POU2F3: variants seen among roughly 807,000 people sequenced by gnomAD.
The protein encoded by POU2F3 is POU class 2 homeobox 3, also known as POU domain, class 2, transcription factor 3.
A neutral mutation model predicts 59.2 loss-of-function variants in POU2F3; 23 were observed. The observed-to-expected ratio is 0.39, with a 90% CI of 0.28 to 0.55. The LOEUF is 0.55. Among genes scored for constraint, POU2F3 ranks in the 20% least tolerant of loss-of-function variants. POU2F3 has a pLI of 0.66. For missense variants in POU2F3, 473 were observed against 544.5 expected (o/e 0.87, Z 1.31); for synonymous variants, 190 against 214.6 (o/e 0.89, Z 1.00).
At chr11:120,274,750 G>A (rs188398917) in intron 3 of POU2F3, among the ~76,000 whole-genome samples, 94 of 152,306 alleles carry the variant, frequency 6.2e-4, no homozygotes, top group African/African-American at 2.1e-3. Context: ...GAGGGAATGG[G>A]ATTACCTGGG....
chr11:120,237,923 T>G (rs1250477652), upstream of POU2F3, among the ~76,000 whole-genome samples: 1 of 152,152 alleles, frequency 6.6e-6, no homozygotes, highest in Non-Finnish European at 1.5e-5. Flanking sequence ...AAGCCCTTGC[T>G]GGTCTCTTTC....
chr11:120,296,160 T>G (rs561145264), intron 3 of POU2F3, among the ~76,000 whole-genome samples: 82 of 152,312 alleles, frequency 5.4e-4, no homozygotes, highest in African/African-American at 1.9e-3. Context: ...CGTAGTAAAT[T>G]AGAGTCGGAG....
At chr11:120,258,282 C>T (rs1353822351) in intron 2 of POU2F3, among the ~76,000 whole-genome samples, 1 of 152,124 alleles carries the variant, frequency 6.6e-6, no homozygotes, top group Non-Finnish European at 1.5e-5. Flanking sequence ...TAACCTTAAA[C>T]CTCTCTGAGC....
chr11:120,256,774 C>T (rs1288766719), intron 2 of POU2F3: 1 of 152,248 alleles, frequency 6.6e-6, no homozygotes, highest in African/African-American at 2.4e-5. Context: ...GGTGCAGATT[C>T]ACGGAGACTA....
chr11:120,278,144 A>T (rs1940411463), intron 3 of POU2F3, among the ~76,000 whole-genome samples: 1 of 152,210 alleles, frequency 6.6e-6, no homozygotes, highest in African/African-American at 2.4e-5. Flanking sequence ...TCACATAAAA[A>T]ATAGAGTTGG....
chr11:120,247,532 C>G (rs182242393), intron 2 of POU2F3, among the ~76,000 whole-genome samples: 3 of 152,328 alleles, frequency 2.0e-5, no homozygotes, highest in Admixed American at 1.3e-4. Context: ...ACACATCAAA[C>G]TACAATCTTT....
At chr11:120,277,649 G>C (rs1180602662) in intron 3 of POU2F3, among the ~76,000 whole-genome samples, 1 of 152,060 alleles carries the variant, frequency 6.6e-6, no homozygotes, top group East Asian at 1.9e-4. Context: ...GGGCGCAGTG[G>C]CTTATGCCTG....
chr11:120,300,765 GA>G (rs35084550), intron 5 of POU2F3: 5,840 of 213,434 alleles, frequency 0.027, no homozygotes, highest in South Asian at 0.044. Flanking sequence ...CTCTGTCTCT[GA>G]AAAAAAAAAA....
intron 2 of POU2F3, among the ~76,000 whole-genome samples, chr11:120,264,030 G>A (rs1448307444): frequency 6.6e-6 from 1 of 152,138 alleles, no homozygotes; most frequent in Non-Finnish European, 1.5e-5. Context: ...ATCTCATGAG[G>A]GAAACAGACA....
chr11:120,246,038 G>A (rs1263032631), intron 1 of POU2F3, among the ~76,000 whole-genome samples: 2 of 152,106 alleles, frequency 1.3e-5, no homozygotes, highest in East Asian at 1.9e-4. Flanking sequence ...GGAGGCAGGC[G>A]GGGAGGGATA....
upstream of POU2F3, chr11:120,236,789 A>AT (rs2135106041): frequency 1.5e-6 from 2 of 1,309,418 alleles, no homozygotes; most frequent in East Asian, 2.5e-5. Flanking sequence ...AGGAATAAAG[A>AT]TTGCTCACCA....
At chr11:120,243,442 G>T (rs914304304) in intron 1 of POU2F3, among the ~76,000 whole-genome samples, 1 of 152,168 alleles carries the variant, frequency 6.6e-6, no homozygotes, top group Non-Finnish European at 1.5e-5. Flanking sequence ...TCAAGCCAAC[G>T]CTAACTTCAG....
intron 2 of POU2F3, among the ~76,000 whole-genome samples, chr11:120,268,524 G>T (rs1591394281): frequency 6.6e-6 from 1 of 152,122 alleles, no homozygotes; most frequent in East Asian, 1.9e-4. Flanking sequence ...TGTATTTTTA[G>T]TAGCAATGGG....
intron 2 of POU2F3, among the ~76,000 whole-genome samples, chr11:120,249,002 T>C (rs1938988187): frequency 6.6e-6 from 1 of 152,168 alleles, no homozygotes; most frequent in East Asian, 1.9e-4. Flanking sequence ...CTGTGCTGCG[T>C]GAAATCCCCA....
intron 3 of POU2F3, among the ~76,000 whole-genome samples, chr11:120,274,308 G>A (rs946438526): frequency 6.6e-6 from 1 of 152,132 alleles, no homozygotes; most frequent in Non-Finnish European, 1.5e-5. Flanking sequence ...TGTCTCACGG[G>A]GTTATTGTGA....
intron 3 of POU2F3, among the ~76,000 whole-genome samples, chr11:120,284,594 A>T (rs4245211): frequency 6.6e-6 from 1 of 151,940 alleles, no homozygotes; most frequent in Non-Finnish European, 1.5e-5. Flanking sequence ...TTGTAGTTAG[A>T]TCAGCTAATT....
At chr11:120,303,101 G>A (rs1432168294) in intron 6 of POU2F3, 1 of 152,234 alleles carries the variant, frequency 6.6e-6, no homozygotes, top group Non-Finnish European at 1.5e-5. Context: ...AGAATGGTTG[G>A]GAATGACTGC....
intron 2 of POU2F3, chr11:120,257,106 A>G (rs964515829): frequency 6.6e-6 from 1 of 152,238 alleles, no homozygotes; most frequent in African/African-American, 2.4e-5. Flanking sequence ...AATGCTCAAT[A>G]AATGTCAGCT....
chr11:120,277,787 A>G (rs1232151787), intron 3 of POU2F3, among the ~76,000 whole-genome samples: 2 of 152,230 alleles, frequency 1.3e-5, no homozygotes, highest in East Asian at 3.8e-4. Flanking sequence ...TACAAAAAAG[A>G]AAAAACAGAT....
Sources: allele counts gnomAD v4.1 joint callset (sites outside exome capture counted in the v4.1 genomes callset), GRCh38; gene constraint gnomAD v4.1.1; transcripts MANE v1.5; gene names NCBI Gene and HGNC (gene_info 2026-07-23, HGNC 2026-07-21).